The following MAGI2 variants were observed in gnomAD, a reference collection of about 807,000 sequenced individuals.
MAGI2 encodes the protein membrane associated guanylate kinase, WW and PDZ domain containing 2, also known as membrane-associated guanylate kinase, WW and PDZ domain-containing protein 2.
MAGI2 carries 35 observed loss-of-function variants against 133.3 expected under a neutral mutation model. The ratio of observed to expected loss-of-function variants is 0.26; its 90% CI spans 0.20 to 0.35. MAGI2 has a LOEUF of 0.35. Among genes scored for constraint, MAGI2 ranks in the 10% least tolerant of loss-of-function variants. The pLI is 1.00. For synonymous variants in MAGI2, 729 were observed against 710.6 expected (o/e 1.03, Z -0.41); for missense variants, 1,636 against 1,863.4 (o/e 0.88, Z 2.25).
chr7:78,228,285 C>T (rs915966648), intron 10 of MAGI2, among the ~76,000 whole-genome samples: 7 of 152,166 alleles, frequency 4.6e-5, no homozygotes, highest in East Asian at 3.8e-4. Context: ...TCCTAAGTTG[C>T]GGTCCCTAAA....
chr7:78,350,226 A>C (rs1478876374), intron 7 of MAGI2: 1 of 152,212 alleles, frequency 6.6e-6, no homozygotes, highest in Non-Finnish European at 1.5e-5. Context: ...CTTTGTCTTT[A>C]CATTCACTTA....
At chr7:78,533,838 G>C (rs1234202398) in intron 3 of MAGI2, among the ~76,000 whole-genome samples, 1 of 152,104 alleles carries the variant, frequency 6.6e-6, no homozygotes. Flanking sequence ...TAACTAATAA[G>C]AGTGAGTGAA....
intron 3 of MAGI2, chr7:78,614,727 G>A (rs1337920216): frequency 6.6e-6 from 1 of 152,052 alleles, no homozygotes; most frequent in Non-Finnish European, 1.5e-5. Context: ...ATAATAAATT[G>A]TTTCCAAATA....
chr7:78,633,241 G>C (rs550241588), intron 2 of MAGI2, among the ~76,000 whole-genome samples: 13 of 152,256 alleles, frequency 8.5e-5, no homozygotes, highest in Non-Finnish European at 1.8e-4. Flanking sequence ...GGGTCTACTT[G>C]AGGGCGGAAG....
At chr7:79,386,264 C>T (rs1425721338) in intron 1 of MAGI2, among the ~76,000 whole-genome samples, 1 of 151,986 alleles carries the variant, frequency 6.6e-6, no homozygotes, top group African/African-American at 2.4e-5. Flanking sequence ...CATAGATATG[C>T]ATTTAACAAA....
intron 2 of MAGI2, among the ~76,000 whole-genome samples, chr7:78,954,191 C>A (rs941517823): frequency 5.3e-5 from 8 of 152,094 alleles, no homozygotes; most frequent in African/African-American, 1.9e-4. Flanking sequence ...CTTACAGACA[C>A]TGTAAGCCCC....
intron 1 of MAGI2, among the ~76,000 whole-genome samples, chr7:79,082,999 T>TA (rs1816177355): frequency 1.3e-5 from 2 of 151,778 alleles, no homozygotes; most frequent in African/African-American, 4.8e-5. Flanking sequence ...TGATTATATA[T>TA]AAAAATACAA....
At chr7:78,712,906 T>C (rs1435989995) in intron 2 of MAGI2, among the ~76,000 whole-genome samples, 1 of 152,076 alleles carries the variant, frequency 6.6e-6, no homozygotes, top group African/African-American at 2.4e-5. Flanking sequence ...AACTAAATAA[T>C]TTTAGTGTGA....
intron 2 of MAGI2, among the ~76,000 whole-genome samples, chr7:78,815,425 A>G (rs933063042): frequency 8.5e-5 from 13 of 152,214 alleles, no homozygotes; most frequent in Non-Finnish European, 1.6e-4. Flanking sequence ...CTCAGAGACT[A>G]ACATTAGGAT....
At chr7:79,015,127 C>T (rs1420282515) in intron 1 of MAGI2, among the ~76,000 whole-genome samples, 1 of 152,046 alleles carries the variant, frequency 6.6e-6, no homozygotes, top group African/African-American at 2.4e-5. Flanking sequence ...AACTGAAAAA[C>T]ATTTGACATT....
chr7:78,131,701 T>C (rs59411060), intron 18 of MAGI2, among the ~76,000 whole-genome samples: 2,757 of 152,334 alleles, frequency 0.018, 75 homozygotes, highest in African/African-American at 0.064. Context: ...CTCCCTGTTA[T>C]ATACAAGTCA....
chr7:79,130,269 G>T (rs940401858), intron 1 of MAGI2, among the ~76,000 whole-genome samples: 1 of 152,062 alleles, frequency 6.6e-6, no homozygotes, highest in Non-Finnish European at 1.5e-5. Flanking sequence ...CTATGACAGC[G>T]CCATTGTATA....
chr7:78,612,641 A>C (rs1374544244), intron 3 of MAGI2, among the ~76,000 whole-genome samples: 1 of 152,112 alleles, frequency 6.6e-6, no homozygotes, highest in African/African-American at 2.4e-5. Context: ...AGATTAAAGA[A>C]GCATAAAAGA....
At chr7:79,320,351 A>G (rs907171415) in intron 1 of MAGI2, among the ~76,000 whole-genome samples, 1 of 152,184 alleles carries the variant, frequency 6.6e-6, no homozygotes, top group Non-Finnish European at 1.5e-5. Context: ...TTAAAAATCC[A>G]TGTAGAATTA....
chr7:78,590,337 G>A (rs1360245346), intron 3 of MAGI2, among the ~76,000 whole-genome samples: 1 of 152,098 alleles, frequency 6.6e-6, no homozygotes, highest in Non-Finnish European at 1.5e-5. Flanking sequence ...AGAACAGTTT[G>A]GTCCTGGAGC....
At chr7:78,252,126 A>T (rs1792447947) in intron 10 of MAGI2, 1 of 134,886 alleles carries the variant, frequency 7.4e-6, no homozygotes, top group Non-Finnish European at 1.6e-5. Flanking sequence ...CAACAGAGTG[A>T]GACCCTGTCT....
chr7:78,125,656 C>G, intron 20 of MAGI2, 38 bp downstream of exon 20: 4 of 1,514,536 alleles, frequency 2.6e-6, no homozygotes, highest in Non-Finnish European at 1.8e-6. Flanking sequence ...GTTTTTCTTT[C>G]AGAATTAAGC....
intron 6 of MAGI2, among the ~76,000 whole-genome samples, chr7:78,373,557 G>GATTA (rs113935814): frequency 0.11 from 9,604 of 87,990 alleles, 357 homozygotes; most frequent in Middle Eastern, 0.17. Context: ...TCTTACTATT[G>GATTA]GAGGGCTCCT....
intron 1 of MAGI2, among the ~76,000 whole-genome samples, chr7:79,027,893 T>C (rs1396932816): frequency 1.3e-5 from 2 of 152,044 alleles, no homozygotes; most frequent in African/African-American, 4.8e-5. Context: ...ACAAACTTCA[T>C]TGTAAATGGA....
Sources: allele counts gnomAD v4.1 joint callset (sites outside exome capture counted in the v4.1 genomes callset), GRCh38; gene constraint gnomAD v4.1.1; transcripts MANE v1.5; gene names NCBI Gene and HGNC (gene_info 2026-07-23, HGNC 2026-07-21).